Variants in RCSD1 observed in about 807,000 individuals in gnomAD.
RCSD1 encodes the protein capZ-interacting protein.
RCSD1 carries 26 observed loss-of-function variants against 42.5 expected under a neutral mutation model. The ratio of observed to expected loss-of-function variants is 0.61; its 90% CI spans 0.45 to 0.85. The LOEUF is 0.85. Among genes scored for constraint, RCSD1 ranks in the 40% least tolerant of loss-of-function variants. The pLI is 0.00. For synonymous variants in RCSD1, 220 were observed against 212.2 expected, an observed-to-expected ratio of 1.04 and a Z score of -0.32; for missense variants, 571 against 528.3, an observed-to-expected ratio of 1.08 and a Z score of -0.79.
chr1:167,685,500 A>G lies in RCSD1; in HGVS notation c.188A>G (p.Asn63Ser), dbSNP rs753247572. The G allele has an allele frequency of 6.2e-7, 1 of 1,613,438 alleles. No homozygotes were observed. The highest frequency in any genetic ancestry group is 2.2e-5 in the East Asian group (1 of 44,836). ...LFPPKVDLGQ[N>S]GEEKSPPNAS... Reference sequence around the variant, plus strand: ...CCCCCCAAGGTAGACCTGGGCCAGAATGGTGAGGAGGTAAGTGCTGCTGTT... The same window carrying G: ...CCCCCCAAGGTAGACCTGGGCCAGAGTGGTGAGGAGGTAAGTGCTGCTGTT... The change falls in exon 3 of 7, where the codon AAT becomes AGT. Residue 63 changes from asparagine to serine, a missense_variant. Asn to Ser is a conservative substitution (Grantham distance 46). Transcript: ENST00000367854.
At chr1:167,691,445 A>G (rs1659375268) in intron 4 of RCSD1, among the ~76,000 whole-genome samples, 1 of 152,218 alleles carries the variant, frequency 6.6e-6, no homozygotes, top group Non-Finnish European at 1.5e-5. Context: ...CAGAAGCTAA[A>G]GTGCGGAGGA....
chr1:167,631,627 A>G (rs4657689), intron 1 of RCSD1, among the ~76,000 whole-genome samples: 74,963 of 152,108 alleles, frequency 0.49, 19,048 homozygotes, highest in East Asian at 0.56. Flanking sequence ...TGGGACTACC[A>G]GTGTGTACCA....
intron 1 of RCSD1, among the ~76,000 whole-genome samples, chr1:167,679,951 G>A (rs1271578818): frequency 6.6e-6 from 1 of 152,104 alleles, no homozygotes; most frequent in Non-Finnish European, 1.5e-5. Flanking sequence ...CAGACACAGG[G>A]GCTCCTCAGT....
intron 1 of RCSD1, among the ~76,000 whole-genome samples, chr1:167,632,148 G>T (rs982291488): frequency 6.6e-6 from 1 of 152,206 alleles, no homozygotes; most frequent in African/African-American, 2.4e-5. Flanking sequence ...CTGCTTCAGG[G>T]CAGAGGAGGG....
At chr1:167,669,919 C>A (rs1037551538) in intron 1 of RCSD1, among the ~76,000 whole-genome samples, 5 of 152,102 alleles carry the variant, frequency 3.3e-5, no homozygotes, top group Admixed American at 3.3e-4. Context: ...GAAATTTGTT[C>A]TAATCTTAGA....
chr1:167,667,959 A>G (rs1289931511), intron 1 of RCSD1, among the ~76,000 whole-genome samples: 2 of 152,142 alleles, frequency 1.3e-5, no homozygotes, highest in African/African-American at 4.8e-5. Context: ...CTCAGCAATT[A>G]CAGTAGAAAG....
At chr1:167,649,390 GC>G (rs1658247189) in intron 1 of RCSD1, among the ~76,000 whole-genome samples, 1 of 152,220 alleles carries the variant, frequency 6.6e-6, no homozygotes. Context: ...CAAGGGGCTA[GC>G]CTTGACACTG....
intron 1 of RCSD1, among the ~76,000 whole-genome samples, chr1:167,655,841 G>T (rs757676215): frequency 6.6e-6 from 1 of 152,146 alleles, no homozygotes; most frequent in African/African-American, 2.4e-5. Context: ...GGATGCCTTC[G>T]CTATTGAAAA....
At chr1:167,702,418 T>C (rs962900697) in intron 6 of RCSD1, among the ~76,000 whole-genome samples, 9 of 152,152 alleles carry the variant, frequency 5.9e-5, no homozygotes, top group Non-Finnish European at 1.2e-4. Context: ...AGGATTCTGT[T>C]TATAAGGAAA....
intron 1 of RCSD1, among the ~76,000 whole-genome samples, chr1:167,645,685 G>A (rs1312368377): frequency 1.3e-5 from 2 of 152,188 alleles, no homozygotes; most frequent in African/African-American, 4.8e-5. Flanking sequence ...AGAAATGAAG[G>A]ATGCCCACGG....
rs1659741727 is a variant in RCSD1, at chr1:167,705,681, A to T, written c.*985A>T. On this transcript the variant is annotated 3_prime_UTR_variant, in exon 7 of 7. Transcript: ENST00000367854. ...AAACATTTTTCTTAGTTTCCCTGGGAAGCTTTTCTTGACTCACAGCCCAGG... is the reference window on the plus strand; with the variant it reads ...AAACATTTTTCTTAGTTTCCCTGGGTAGCTTTTCTTGACTCACAGCCCAGG... 1 of 152,148 alleles carries T rather than the reference A, an allele frequency of 6.6e-6. No homozygotes were observed. Among genetic ancestry groups the T allele is most frequent in the Admixed American group, 6.5e-5 (1 of 15,276 alleles). 9.4% of individuals were successfully genotyped at this position (152,148 alleles called of 1,614,324 possible).
chr1:167,685,365 T>G, intron 2 of RCSD1, 56 bp from the exon 3 acceptor site: 1 of 1,418,924 alleles, frequency 7.0e-7, no homozygotes, highest in Non-Finnish European at 9.9e-7. Flanking sequence ...TTCCTCCCTG[T>G]TGCCTGATCA....
At position 167,632,725 on chromosome 1, in the gene RCSD1, C is replaced by A. The variant is rs190471832; in HGVS notation, c.6+2296C>A. On this transcript the variant is annotated intron_variant, in intron 1 of 6. Coordinates refer to ENST00000367854, the MANE Select transcript of RCSD1 (RefSeq NM_052862.4). ...TCACTAAGCCTAGTCCATCAATTTG[C>A]TGGTTGGACAGTGGCTGCTTTTGAA... 2.1e-3 allele frequency among the ~76,000 whole-genome samples: 213 copies of A among 102,762 alleles called. 1 individual carries two copies. Among genetic ancestry groups the A allele is most frequent in the Non-Finnish European group, 1.9e-3 (88 of 45,676 alleles). The allele number at this position is 102,762 out of a possible 152,430, so 67.4% of individuals were successfully genotyped here.
At position 167,683,968 on chromosome 1, in the gene RCSD1, G is replaced by A. The variant is rs1242394828; in HGVS notation, c.75G>A (p.Gly25=). The A allele has an allele frequency of 1.9e-6, 3 of 1,614,096 alleles. No individual in the cohort carries two copies. The highest frequency in any genetic ancestry group is 2.5e-6 in the Non-Finnish European group (3 of 1,180,038). The change falls in exon 2 of 7, where the codon GGG becomes GGA. Residue 25 remains glycine, a synonymous_variant. Coordinates refer to ENST00000367854, the MANE Select transcript of RCSD1 (RefSeq NM_052862.4). ...CCCCCTCGGTGGCCCAGCTGGCCGG[G>A]CGGTTTAGGGAGCAGGCGGCTGCAG... ...SASPSVAQLA[G]RFREQAAAAK... is the part of the protein sequence containing the mutation.
At chr1:167,660,952 G>T (rs1458691010) in intron 1 of RCSD1, among the ~76,000 whole-genome samples, 1 of 152,136 alleles carries the variant, frequency 6.6e-6, no homozygotes, top group Non-Finnish European at 1.5e-5. Context: ...GTTTAGCTAA[G>T]AATTCTGTAG....
chr1:167,637,440 T>C (rs1334811347), intron 1 of RCSD1, among the ~76,000 whole-genome samples: 2 of 152,148 alleles, frequency 1.3e-5, no homozygotes, highest in Non-Finnish European at 2.9e-5. Context: ...ATGTGGGCGT[T>C]CAAAAGCTCC....
intron 1 of RCSD1, among the ~76,000 whole-genome samples, chr1:167,670,562 C>T (rs1234756661): frequency 6.6e-6 from 1 of 152,188 alleles, no homozygotes; most frequent in East Asian, 1.9e-4. Context: ...CCTTTGCTCA[C>T]CCTCCCTGTC....
chr1:167,681,946 T>C (rs979636573), intron 1 of RCSD1, among the ~76,000 whole-genome samples: 3 of 152,170 alleles, frequency 2.0e-5, no homozygotes, highest in South Asian at 4.1e-4. Context: ...GGCCTCGCAC[T>C]CCTCGGCTTT....
intron 1 of RCSD1, among the ~76,000 whole-genome samples, chr1:167,660,012 AAT>A (rs1658506173): frequency 6.6e-6 from 1 of 152,180 alleles, no homozygotes; most frequent in Non-Finnish European, 1.5e-5. Flanking sequence ...TGCACGTAAG[AAT>A]TCAGGACAAG....
Sources: gnomAD v4.1 joint callset for allele counts (sites outside exome capture counted in the v4.1 genomes callset) on GRCh38, gnomAD v4.1.1 for gene constraint, MANE v1.5 for transcripts, NCBI Gene and HGNC (gene_info 2026-07-23, HGNC 2026-07-21) for gene names.